The following TP63 variants were observed in gnomAD, a reference collection of about 807,000 sequenced individuals.
The protein encoded by TP63 is tumor protein p63.
In TP63, 17 loss-of-function variants were observed where a neutral mutation model predicts 82.8. The observed-to-expected ratio is 0.21, with a 90% CI of 0.14 to 0.31. The LOEUF (loss-of-function observed/expected upper bound fraction) is 0.31, where lower values mean the gene tolerates loss of function less well. TP63 is among the 10% of genes least tolerant of loss of function. The pLI is 1.00. For synonymous variants in TP63, 330 were observed against 321.7 expected (o/e 1.03, Z -0.28); for missense variants, 648 against 895.3 (o/e 0.72, Z 3.52).
At chr3:189,692,374 CTTT>C (rs1242752757) in intron 1 of TP63, among the ~76,000 whole-genome samples, 1 of 150,734 alleles carries the variant, frequency 6.6e-6, no homozygotes, top group African/African-American at 2.4e-5. Context: ...TTTCTTTTAC[CTTT>C]TTATTTCCAT....
At chr3:189,650,780 A>G (rs1191046736) in intron 1 of TP63, among the ~76,000 whole-genome samples, 2 of 147,506 alleles carry the variant, frequency 1.4e-5, no homozygotes, top group Admixed American at 1.3e-4. Flanking sequence ...GGGTGCTGCT[A>G]TTAGGATAGC....
chr3:189,760,569 G>T (rs1343332559), intron 3 of TP63, among the ~76,000 whole-genome samples: 1 of 152,184 alleles, frequency 6.6e-6, no homozygotes, highest in African/African-American at 2.4e-5. Flanking sequence ...TGGTTTTGCA[G>T]GGTATAGCTT....
At chr3:189,608,735 T>A in the TP63 span, among the ~76,000 whole-genome samples, 2 of 152,104 alleles carry the variant, frequency 1.3e-5, no homozygotes, top group African/African-American at 4.8e-5. Flanking sequence ...TTCAGCAATA[T>A]CATAATTTAT....
intron 3 of TP63, among the ~76,000 whole-genome samples, chr3:189,796,402 T>C (rs1346047247): frequency 6.6e-6 from 1 of 151,820 alleles, no homozygotes; most frequent in African/African-American, 2.4e-5. Flanking sequence ...ATTGAAGAGA[T>C]AATAACAGGG....
intron 1 of TP63, among the ~76,000 whole-genome samples, chr3:189,653,630 G>C (rs961991622): frequency 7.2e-5 from 11 of 152,082 alleles, no homozygotes; most frequent in African/African-American, 2.7e-4. Flanking sequence ...ACCTGCTTTT[G>C]CTTTTTGTTT....
At chr3:189,668,486 C>T (rs1714605654) in intron 1 of TP63, among the ~76,000 whole-genome samples, 1 of 151,780 alleles carries the variant, frequency 6.6e-6, no homozygotes, top group African/African-American at 2.4e-5. Context: ...AACAAAAATG[C>T]AGTAACTAAA....
At chr3:189,618,799 A>T in the TP63 span, among the ~76,000 whole-genome samples, 1 of 152,036 alleles carries the variant, frequency 6.6e-6, no homozygotes, top group East Asian at 1.9e-4. Flanking sequence ...GCTTCATATT[A>T]TATATCCATT....
chr3:189,676,087 G>A lies in TP63; in HGVS notation c.62+44510G>A, dbSNP rs373316568. ...TATAACATTATGTTTTGATGTATGC[G>A]TACATTGTTAACTGAGTACCAAAAG... is the stretch of plus-strand genomic sequence containing the variant. On this transcript the variant is annotated intron_variant, in intron 1 of 13. Coordinates refer to ENST00000264731, the MANE Select transcript of TP63 (RefSeq NM_003722.5). Among the ~76,000 whole-genome samples, 12 of 152,086 alleles carry A rather than the reference G, an allele frequency of 7.9e-5. No individual in the cohort carries two copies. In the East Asian group the frequency reaches 1.2e-3, roughly 15 times the overall value.
chr3:189,728,248 A>C (rs1165189753), intron 1 of TP63, among the ~76,000 whole-genome samples: 1 of 152,246 alleles, frequency 6.6e-6, no homozygotes, highest in African/African-American at 2.4e-5. Context: ...ATCTGTCCAA[A>C]AAATAAAAAA....
chr3:189,685,594 A>T (rs376329524), intron 1 of TP63, among the ~76,000 whole-genome samples: 1 of 152,120 alleles, frequency 6.6e-6, no homozygotes, highest in East Asian at 1.9e-4. Context: ...TATATTTCCC[A>T]AACTGGTTTG....
intron 1 of TP63, among the ~76,000 whole-genome samples, chr3:189,641,708 TATTA>T (rs902565317): frequency 3.3e-5 from 5 of 152,306 alleles, no homozygotes; most frequent in African/African-American, 9.6e-5. Context: ...TAATTTTTGT[TATTA>T]ATTAAGAATG....
chr3:189,834,888 CTTT>C (rs10641824), intron 4 of TP63, among the ~76,000 whole-genome samples: 2 of 138,748 alleles, frequency 1.4e-5, no homozygotes, highest in African/African-American at 2.6e-5. Context: ...GGTTTTTTTC[CTTT>C]TTTTTTTTTT....
the TP63 span, among the ~76,000 whole-genome samples, chr3:189,623,448 C>T: frequency 2.6e-5 from 4 of 152,202 alleles, no homozygotes; most frequent in Non-Finnish European, 4.4e-5. Context: ...AGTAGGCAAA[C>T]TGATCATTAC....
At chr3:189,730,942 C>T (rs1289349939) in intron 1 of TP63, among the ~76,000 whole-genome samples, 1 of 152,200 alleles carries the variant, frequency 6.6e-6, no homozygotes, top group Non-Finnish European at 1.5e-5. Flanking sequence ...AGTTTGCATG[C>T]TCCAATGGGG....
At chr3:189,718,011 G>A (rs1719090831) in intron 1 of TP63, among the ~76,000 whole-genome samples, 1 of 152,170 alleles carries the variant, frequency 6.6e-6, no homozygotes, top group African/African-American at 2.4e-5. Flanking sequence ...CAACATAAGA[G>A]AATGCGCTGA....
chr3:189,829,806 C>A, intron 4 of TP63: 1 of 245,484 alleles, frequency 4.1e-6, no homozygotes, highest in South Asian at 3.8e-5. Context: ...GATTTCTATA[C>A]TGCTGACAGT....
At chr3:189,751,698 TC>T (rs1721834125) in intron 3 of TP63, among the ~76,000 whole-genome samples, 1 of 152,202 alleles carries the variant, frequency 6.6e-6, no homozygotes, top group Non-Finnish European at 1.5e-5. Context: ...TTGTTTGAGT[TC>T]TTTGTGGGTT....
chr3:189,625,361 A>G, the TP63 span, among the ~76,000 whole-genome samples: 1 of 152,132 alleles, frequency 6.6e-6, no homozygotes, highest in African/African-American at 2.4e-5. Flanking sequence ...AAACTAAGGT[A>G]TTATCTACAA....
At chr3:189,825,380 A>C (rs558933918) in intron 4 of TP63, among the ~76,000 whole-genome samples, 2 of 152,226 alleles carry the variant, frequency 1.3e-5, no homozygotes, top group Non-Finnish European at 1.5e-5. Context: ...TAGATAGAAA[A>C]GTATTAGGAA....
Sources: gnomAD v4.1 joint callset for allele counts (sites outside exome capture counted in the v4.1 genomes callset) on GRCh38, gnomAD v4.1.1 for gene constraint, MANE v1.5 for transcripts, NCBI Gene and HGNC (gene_info 2026-07-23, HGNC 2026-07-21) for gene names.